Variants in CUX2 observed in about 807,000 individuals in gnomAD.
The protein encoded by CUX2 is cut like homeobox 2, also known as homeobox protein cut-like 2.
CUX2 carries 40 observed loss-of-function variants against 144.8 expected under a neutral mutation model. That is an observed-to-expected ratio of 0.28 (90% CI 0.21 to 0.36). CUX2 has a LOEUF of 0.36. Ranked by LOEUF, CUX2 falls within the 10% of genes least tolerant of loss-of-function variation. The pLI, the probability that CUX2 is intolerant of heterozygous loss-of-function variation, is 1.00. For missense variants in CUX2, 1,615 were observed against 1,994.0 expected (o/e 0.81, Z 3.62); for synonymous variants, 827 against 875.6 (o/e 0.94, Z 0.98).
chr12:111,199,889 T>C (rs1178601873), intron 1 of CUX2, among the ~76,000 whole-genome samples: 2 of 152,134 alleles, frequency 1.3e-5, no homozygotes, highest in Non-Finnish European at 2.9e-5. Flanking sequence ...CTCGTGTGTC[T>C]GTGTGTCCAT....
At position 111,049,616 on chromosome 12, in the gene CUX2, G is replaced by A. The variant is rs376299704; in HGVS notation, c.63+15376G>A. ...CTGGAGAGGGTTCTAGACTTGAGAC[G>A]TGTAGTTCTCCCCTCCTTCCCCATC... On this transcript the variant is annotated intron_variant, in intron 1 of 21. Transcript: ENST00000261726. 3.5e-4 allele frequency among the ~76,000 whole-genome samples: 54 copies of A among 152,302 alleles called. No individual in the cohort carries two copies. In the East Asian group the frequency reaches 9.3e-3, roughly 26 times the overall value.
At chr12:111,346,132 A>C (rs1888795356) in intron 21 of CUX2, among the ~76,000 whole-genome samples, 1 of 143,870 alleles carries the variant, frequency 7.0e-6, no homozygotes, top group Non-Finnish European at 1.5e-5. Flanking sequence ...TACACGAAAA[A>C]GAAAAAAAAG....
chr12:111,169,354 C>T (rs948135115), intron 1 of CUX2, among the ~76,000 whole-genome samples: 2 of 152,186 alleles, frequency 1.3e-5, no homozygotes, highest in African/African-American at 4.8e-5. Context: ...CTTCCAGCCT[C>T]CAGAAGCGGG....
intron 1 of CUX2, among the ~76,000 whole-genome samples, chr12:111,211,886 C>CA (rs1169597609): frequency 0.03 from 2,520 of 84,436 alleles, 131 homozygotes; most frequent in East Asian, 0.27. Context: ...GACTCCGTCT[C>CA]AAAAAAAAAA....
chr12:111,151,960 A>G (rs1489197884), intron 1 of CUX2, among the ~76,000 whole-genome samples: 1 of 152,160 alleles, frequency 6.6e-6, no homozygotes, highest in Non-Finnish European at 1.5e-5. Context: ...TGATTTTGCT[A>G]GAAACCTCAC....
chr12:111,155,656 G>A (rs902717306), intron 1 of CUX2, among the ~76,000 whole-genome samples: 8 of 152,242 alleles, frequency 5.3e-5, no homozygotes, highest in African/African-American at 1.4e-4. Context: ...TGGCAGACCC[G>A]GACAGCTCTG....
At chr12:111,131,646 G>A (rs546416645) in intron 1 of CUX2, among the ~76,000 whole-genome samples, 7 of 152,294 alleles carry the variant, frequency 4.6e-5, no homozygotes, top group South Asian at 2.1e-4. Context: ...CAGCCATTCC[G>A]AATGAGAGAA....
intron 1 of CUX2, among the ~76,000 whole-genome samples, chr12:111,048,264 C>T (rs571968655): frequency 6.6e-6 from 1 of 152,254 alleles, no homozygotes; most frequent in African/African-American, 2.4e-5. Flanking sequence ...AGGGAGGGGA[C>T]GTTTGGAAAA....
At chr12:111,071,999 A>G (rs1871273402) in intron 1 of CUX2, among the ~76,000 whole-genome samples, 1 of 152,100 alleles carries the variant, frequency 6.6e-6, no homozygotes, top group African/African-American at 2.4e-5. Flanking sequence ...CCAATACCAC[A>G]CTGTCTTCAT....
chr12:111,278,336 G>A (rs1043331764), intron 4 of CUX2, among the ~76,000 whole-genome samples: 6 of 152,182 alleles, frequency 3.9e-5, no homozygotes, highest in Non-Finnish European at 8.8e-5. Context: ...AGGATTGATC[G>A]CTTGAGCCCA....
chr12:111,185,330 C>T (rs1348992283), intron 1 of CUX2, among the ~76,000 whole-genome samples: 1 of 152,156 alleles, frequency 6.6e-6, no homozygotes, highest in Non-Finnish European at 1.5e-5. Context: ...AACCTGGATT[C>T]TTGAAGTCAA....
intron 3 of CUX2, among the ~76,000 whole-genome samples, chr12:111,244,519 A>G (rs1242559832): frequency 6.6e-6 from 1 of 152,166 alleles, no homozygotes; most frequent in African/African-American, 2.4e-5. Flanking sequence ...TCTAGCTGAG[A>G]TTTTGCTGAT....
Position 111,080,689 on chromosome 12 carries a change from A to C in CUX2, c.63+46449A>C, listed in dbSNP as rs78572043. 1.8e-3 allele frequency among the ~76,000 whole-genome samples: 268 copies of C among 152,272 alleles called. 2 individuals carry two copies. The highest frequency in any genetic ancestry group is 6.6e-3 in the East Asian group (34 of 5,176). ...CCTGGCACTCAAAAAATAAAATGTCAGCTCTAGAAGGGCAAGGATTTTTGT... is the reference window on the plus strand; with the variant it reads ...CCTGGCACTCAAAAAATAAAATGTCCGCTCTAGAAGGGCAAGGATTTTTGT... On this transcript the variant is annotated intron_variant, in intron 1 of 21. Coordinates refer to ENST00000261726, the MANE Select transcript of CUX2 (RefSeq NM_015267.4).
At chr12:111,076,279 CA>C (rs1468992234) in intron 1 of CUX2, among the ~76,000 whole-genome samples, 1 of 152,188 alleles carries the variant, frequency 6.6e-6, no homozygotes, top group East Asian at 1.9e-4. Context: ...AGGAGCAAAA[CA>C]AAACACCTGG....
In CUX2 at chr12:111,058,707, G is replaced by A. The variant is rs182874693; in HGVS notation, c.63+24467G>A. Among the ~76,000 whole-genome samples, 181 of 152,258 alleles carry A rather than the reference G, an allele frequency of 1.2e-3. 2 individuals are homozygous for A. Among genetic ancestry groups the A allele is most frequent in the African/African-American group, 4.1e-3 (170 of 41,536 alleles). On this transcript the variant is annotated intron_variant, in intron 1 of 21. Transcript: ENST00000261726. Reference sequence around the variant, plus strand: ...CAGATAGTGGTGTTACAGGAAGGGGGTCCCGAGCGAGACCCCAAGATCTCA... The same window carrying A: ...CAGATAGTGGTGTTACAGGAAGGGGATCCCGAGCGAGACCCCAAGATCTCA...
At chr12:111,345,444 CA>C (rs34883804) in intron 21 of CUX2, among the ~76,000 whole-genome samples, 27,213 of 60,376 alleles carry the variant, frequency 0.45, 3,291 homozygotes, top group East Asian at 0.68. Context: ...GACTCCATCT[CA>C]AAAAAAAAAA....
rs138148940 is a variant in CUX2, at chr12:111,138,478, T to C, written c.64-75722T>C. 1.6e-3 allele frequency among the ~76,000 whole-genome samples: 241 copies of C among 152,142 alleles called. 1 individual carries two copies. Among genetic ancestry groups the C allele is most frequent in the African/African-American group, 5.6e-3 (234 of 41,500 alleles). On this transcript the variant is annotated intron_variant, in intron 1 of 21. Coordinates refer to ENST00000261726, the MANE Select transcript of CUX2 (RefSeq NM_015267.4). ...CAGCTCCATGGTAAGTGGCAGGAAA[T>C]GCTGTGTGGCCTCGGTCAGGCTGCT...
chr12:111,259,809 AAAG>A (rs1373373893), intron 3 of CUX2, among the ~76,000 whole-genome samples: 64 of 152,016 alleles, frequency 4.2e-4, no homozygotes, highest in African/African-American at 1.5e-3. Flanking sequence ...AAAAAAAAAA[AAAG>A]AAATTAAGAA....
At chr12:111,185,653 G>A (rs970510094) in intron 1 of CUX2, among the ~76,000 whole-genome samples, 1 of 152,166 alleles carries the variant, frequency 6.6e-6, no homozygotes, top group Non-Finnish European at 1.5e-5. Context: ...CCTGAGCCCC[G>A]AGGGGACCCC....
Sources: allele counts gnomAD v4.1 joint callset (sites outside exome capture counted in the v4.1 genomes callset), GRCh38; gene constraint gnomAD v4.1.1; transcripts MANE v1.5; gene names NCBI Gene and HGNC (gene_info 2026-07-23, HGNC 2026-07-21).